The following SCAF4 variants were observed in gnomAD, a reference collection of about 807,000 sequenced individuals.
The protein encoded by SCAF4 is SR-related CTD associated factor 4, also known as SR-related and CTD-associated factor 4.
Under a neutral mutation model 129.8 loss-of-function variants are expected in SCAF4, and 25 were observed. The observed-to-expected ratio is 0.19, with a 90% CI of 0.14 to 0.27. The LOEUF (loss-of-function observed/expected upper bound fraction) is 0.27. Ranked by LOEUF, SCAF4 falls within the 10% of genes least tolerant of loss-of-function variation. The pLI is 1.00. For missense variants in SCAF4, 1,246 were observed against 1,457.1 expected, an observed-to-expected ratio of 0.86 and a Z score of 2.36; for synonymous variants, 551 against 497.7, an observed-to-expected ratio of 1.11 and a Z score of -1.43.
intron 4 of SCAF4, 58 bp downstream of exon 4, chr21:31,703,707 T>C (rs912986348): frequency 9.5e-6 from 9 of 942,538 alleles, no homozygotes; most frequent in African/African-American, 1.6e-5. Flanking sequence ...ATATCTAACA[T>C]ACATTTAAAA....
At chr21:31,703,691 C>A in intron 4 of SCAF4, 74 bp downstream of exon 4, 1 of 800,790 alleles carries the variant, frequency 1.2e-6, no homozygotes, top group Non-Finnish European at 1.9e-6. Flanking sequence ...ATATAGTAGG[C>A]TCCAAATATC....
At chr21:31,730,534 A>G (rs1204492571) in intron 1 of SCAF4, among the ~76,000 whole-genome samples, 1 of 152,236 alleles carries the variant, frequency 6.6e-6, no homozygotes, top group East Asian at 1.9e-4. Context: ...TTACAAGTAA[A>G]CCTACAAAAT....
At chr21:31,707,001 A>G (rs369086067) in intron 1 of SCAF4, 41 of 304,000 alleles carry the variant, frequency 1.3e-4, no homozygotes, top group East Asian at 1.2e-3. Flanking sequence ...ATCCCAGTTC[A>G]TCCCATTTTT....
intron 1 of SCAF4, among the ~76,000 whole-genome samples, chr21:31,719,642 T>C (rs1363922070): frequency 1.3e-5 from 2 of 152,044 alleles, no homozygotes; most frequent in African/African-American, 4.8e-5. Context: ...GTAGCTGGGA[T>C]TACAGGCATG....
chr21:31,688,465 C>A lies in SCAF4; in HGVS notation c.1886-1G>T, dbSNP rs1215784380. On this transcript the variant is annotated splice_acceptor_variant, in intron 15 of 19. Transcript: ENST00000286835. LOFTEE classifies it high-confidence loss of function. The stretch of plus-strand genomic sequence containing the variant: ...GGCTTCTTAGGAATTCCTTTCCAAT[C>A]TGTGAGCGTGAAAGAAATTTAACAA... The A allele has an allele frequency of 6.2e-7, 1 of 1,612,184 alleles. No homozygotes were observed. The highest frequency in any genetic ancestry group is 8.5e-7 in the Non-Finnish European group (1 of 1,178,894).
At chr21:31,674,111 TTCC>T (rs773024005) in intron 19 of SCAF4, among the ~76,000 whole-genome samples, 3 of 152,198 alleles carry the variant, frequency 2.0e-5, no homozygotes, top group African/African-American at 7.2e-5. Context: ...TTGACTTGGC[TTCC>T]TCAAGTATCT....
intron 19 of SCAF4, among the ~76,000 whole-genome samples, chr21:31,673,723 T>A (rs2049775967): frequency 6.6e-6 from 1 of 152,248 alleles, no homozygotes. Flanking sequence ...AAAGAAATAG[T>A]GTAGTTCCAA....
At chr21:31,673,371 T>G (rs2049762006) in intron 19 of SCAF4, among the ~76,000 whole-genome samples, 1 of 144,412 alleles carries the variant, frequency 6.9e-6, no homozygotes, top group African/African-American at 2.7e-5. Flanking sequence ...ACATGCTATT[T>G]ACCCATGTGC....
rs933712922 is a variant in SCAF4 at position 31,731,794 on chromosome 21, G to A, written c.-102C>T. The stretch of plus-strand genomic sequence containing the variant: ...ACCAGCCGGGCCTGGTGGCCGGGGG[G>A]AGGCGACGAGCGGCGGAGTCCGAGG... On this transcript the variant is annotated 5_prime_UTR_variant, in exon 1 of 20. Transcript: ENST00000286835. 1 of 1,339,332 alleles carries A rather than the reference G, an allele frequency of 7.5e-7. No homozygotes were observed. The highest frequency in any genetic ancestry group is 2.9e-5 in the East Asian group (1 of 34,590). 83.0% of individuals were successfully genotyped at this position (1,339,332 alleles called of 1,614,324 possible).
intron 15 of SCAF4, among the ~76,000 whole-genome samples, chr21:31,689,397 C>T (rs2050204650): frequency 6.6e-6 from 1 of 151,570 alleles, no homozygotes; most frequent in African/African-American, 2.4e-5. Flanking sequence ...TTCTGAGTTC[C>T]AGTGATTCTC....
At chr21:31,692,096 C>T (rs972339645) in intron 13 of SCAF4, 166 bp from the exon 14 acceptor site, 1 of 587,798 alleles carries the variant, frequency 1.7e-6, no homozygotes, top group Admixed American at 3.0e-5. Flanking sequence ...CAACTGAGTC[C>T]TCCAAGCTTT....
At chr21:31,718,958 T>A (rs534226602) in intron 1 of SCAF4, among the ~76,000 whole-genome samples, 1 of 152,306 alleles carries the variant, frequency 6.6e-6, no homozygotes, top group Admixed American at 6.5e-5. Flanking sequence ...ATTTTTAGGT[T>A]AACTACTTAT....
At chr21:31,688,247 A>G (rs1042801348) in intron 16 of SCAF4, 60 bp downstream of exon 16, 13 of 1,547,070 alleles carry the variant, frequency 8.4e-6, no homozygotes, top group Non-Finnish European at 1.1e-5. Context: ...TATCTACAGT[A>G]AGATTTAGAA....
chr21:31,685,829 TG>T (rs2050109031), intron 16 of SCAF4, 96 bp from the exon 17 acceptor site: 1 of 1,228,504 alleles, frequency 8.1e-7, no homozygotes, highest in Non-Finnish European at 1.1e-6. Context: ...AAAAAATAGA[TG>T]TTTCTTAATT....
At chr21:31,673,770 T>C (rs1191399920) in intron 19 of SCAF4, among the ~76,000 whole-genome samples, 1 of 152,258 alleles carries the variant, frequency 6.6e-6, no homozygotes, top group Non-Finnish European at 1.5e-5. Context: ...AAAATGTATA[T>C]GCCCAGGCAC....
At position 31,671,127 on chromosome 21, in the gene SCAF4, AGAG is replaced by A. The variant is rs2049678308; in HGVS notation, c.*269_*271del. On this transcript the variant is annotated 3_prime_UTR_variant, in exon 20 of 20. Coordinates refer to ENST00000286835, the MANE Select transcript of SCAF4 (RefSeq NM_020706.2). Reference sequence around the variant, plus strand: ...TTAAATTAAAAAAAAAAAAAAAAATAGAGAGCACTTCTAATTACGATTTGTAAA... The same window carrying A: ...TTAAATTAAAAAAAAAAAAAAAAATAAGCACTTCTAATTACGATTTGTAAA... The A allele has an allele frequency of 7.5e-6, 2 of 267,730 alleles. No individual in the cohort carries two copies. Among genetic ancestry groups the A allele is most frequent in the Non-Finnish European group, 7.0e-6 (1 of 143,362 alleles). The allele number at this position is 267,730 out of a possible 1,614,324, so 16.6% of individuals were successfully genotyped here.
At chr21:31,731,585 T>C in intron 1 of SCAF4, 78 bp downstream of exon 1, 1 of 1,524,710 alleles carries the variant, frequency 6.6e-7, no homozygotes, top group Non-Finnish European at 8.9e-7. Context: ...ACCAAAGCTT[T>C]AAACCTCCGG....
chr21:31,704,230 A>G (rs1240996699), intron 3 of SCAF4, among the ~76,000 whole-genome samples: 1 of 152,128 alleles, frequency 6.6e-6, no homozygotes, highest in Non-Finnish European at 1.5e-5. Context: ...TTCCATATAA[A>G]TTCACTTATT....
At chr21:31,704,409 G>T (rs2050605042) in intron 3 of SCAF4, among the ~76,000 whole-genome samples, 1 of 151,862 alleles carries the variant, frequency 6.6e-6, no homozygotes, top group African/African-American at 2.4e-5. Context: ...GAAAAGCAGA[G>T]AAACAGACAC....
Sources: allele counts gnomAD v4.1 joint callset (sites outside exome capture counted in the v4.1 genomes callset), GRCh38; gene constraint gnomAD v4.1.1; transcripts MANE v1.5; gene names NCBI Gene and HGNC (gene_info 2026-07-23, HGNC 2026-07-21).